BAG6: variants seen among roughly 807,000 people sequenced by gnomAD.
BAG6 encodes large proline-rich protein BAG6.
In BAG6, 22 loss-of-function variants were observed where a neutral mutation model predicts 121.0. The ratio of observed to expected loss-of-function variants is 0.18; its 90% CI spans 0.13 to 0.26. The LOEUF is 0.26. Ranked by LOEUF, BAG6 falls within the 10% of genes least tolerant of loss-of-function variation. BAG6 has a pLI of 1.00. For synonymous variants in BAG6, 583 were observed against 584.6 expected (o/e 1.00, Z 0.04); for missense variants, 1,233 against 1,537.7 (o/e 0.80, Z 3.31).
chr6:31,645,247 A>G lies in BAG6; in HGVS notation c.1117-49T>C. The G allele has an allele frequency of 3.1e-6, 5 of 1,599,510 alleles. No individual in the cohort carries two copies. In the South Asian group the frequency reaches 5.6e-5, roughly 18 times the overall value. On this transcript the variant is annotated intron_variant, in intron 9 of 25. Coordinates refer to ENST00000676615, the MANE Select transcript of BAG6 (RefSeq NM_001387994.1). ...AGATGTGAGAAAAATACAAGAGCCTAACCAAGAAAACCTCATGATAAACCT... is the reference window on the plus strand; with the variant it reads ...AGATGTGAGAAAAATACAAGAGCCTGACCAAGAAAACCTCATGATAAACCT...
chr6:31,648,577 C>T (rs1792785574), intron 6 of BAG6, 100 bp downstream of exon 6: 1 of 1,209,872 alleles, frequency 8.3e-7, no homozygotes, highest in Non-Finnish European at 1.2e-6. Flanking sequence ...ATTATGAAGG[C>T]CAAACCCTGT....
chr6:31,650,498 CTAAAAATACAAAAAT>C (rs1361727645), intron 2 of BAG6, among the ~76,000 whole-genome samples: 1 of 152,020 alleles, frequency 6.6e-6, no homozygotes, highest in Non-Finnish European at 1.5e-5. Flanking sequence ...CCTGTCTCTA[CTAAAAATACAAAAAT>C]TAGCCGGGCG....
intron 15 of BAG6, 46 bp from the exon 16 acceptor site, chr6:31,642,449 GA>G: frequency 1.1e-6 from 1 of 872,178 alleles, no homozygotes. Context: ...AGGTGAGAAT[GA>G]AGACACACGG....
In BAG6 at chr6:31,641,570, G is replaced by T; in HGVS notation, c.2528C>A (p.Thr843Lys). ...CTCCCGCACATACTCTTCTAGCCCCGTGATCAATGTGTGGGTTGCCATCTG... is the reference window on the plus strand; with the variant it reads ...CTCCCGCACATACTCTTCTAGCCCCTTGATCAATGTGTGGGTTGCCATCTG... ...NIRMATHTLI[T>K]GLEEYVRESF... Residue 843 changes from threonine to lysine, a missense_variant, in exon 18 of 26, where the codon ACG becomes AAG. By Grantham distance (78) the Thr-to-Lys change is moderately conservative. Transcript: ENST00000676615. The surrounding 1 kb of genome is among the most constrained non-coding windows in gnomAD (Gnocchi z 5.7). The T allele has an allele frequency of 6.2e-7, 1 of 1,614,122 alleles. No homozygotes were observed. The highest frequency in any genetic ancestry group is 8.5e-7 in the Non-Finnish European group (1 of 1,179,976).
At chr6:31,645,833 C>T (rs1411968680) in intron 8 of BAG6, among the ~76,000 whole-genome samples, 2 of 152,238 alleles carry the variant, frequency 1.3e-5, no homozygotes, top group African/African-American at 2.4e-5. Flanking sequence ...ATATACTGAT[C>T]TCCTGTACTT....
chr6:31,651,782 G>A lies in BAG6; in HGVS notation c.-13-6C>T. 6.2e-7 allele frequency: 1 copy of A among 1,609,572 alleles called. No individual in the cohort carries two copies. Among genetic ancestry groups the A allele is most frequent in the Non-Finnish European group, 8.5e-7 (1 of 1,176,942 alleles). ...GCTCCATGGCCGACAGGTCTCTAAA[G>A]AAGAACGAAGGAAGGAAGGCCCGCT... is the stretch of plus-strand genomic sequence containing the variant. On this transcript the variant is annotated splice_polypyrimidine_tract_variant and splice_region_variant and intron_variant, in intron 1 of 25. Coordinates refer to ENST00000676615, the MANE Select transcript of BAG6 (RefSeq NM_001387994.1).
chr6:31,642,817 C>G lies in BAG6; in HGVS notation c.2043+12G>C, dbSNP rs755630636. The G allele has an allele frequency of 6.2e-7, 1 of 1,609,476 alleles. No homozygotes were observed. The highest frequency in any genetic ancestry group is 8.5e-7 in the Non-Finnish European group (1 of 1,178,048). ...ACAGGAAGATGAGGTGAATGGCAAG[C>G]CAGCCACTCACCTGCAAGAAGTCAG... is the stretch of plus-strand genomic sequence containing the variant. On this transcript the variant is annotated intron_variant, in intron 15 of 25. Coordinates refer to ENST00000676615, the MANE Select transcript of BAG6 (RefSeq NM_001387994.1).
chr6:31,650,185 T>C (rs1794779999), intron 2 of BAG6, among the ~76,000 whole-genome samples: 1 of 151,852 alleles, frequency 6.6e-6, no homozygotes, highest in African/African-American at 2.4e-5. Context: ...AAAAAACACA[T>C]GGACATTATA....
Position 31,642,223 on chromosome 6 carries a change from G to A in BAG6, c.2224C>T (p.Leu742=), listed in dbSNP as rs763305970. ...GCCCGAGCCCCCAGGGAGCCCAGCA[G>A]GGAGCTGAGCACACCCTGCACCACT... ...TSVVQGVLSS[L]LGSLGARAGS... The change falls in exon 16 of 26, where the codon CTG becomes TTG. Residue 742 remains leucine (L), a synonymous_variant. Transcript: ENST00000676615. 47 of 1,612,728 alleles carry A rather than the reference G, an allele frequency of 2.9e-5. No homozygotes were observed. The highest frequency in any genetic ancestry group is 3.9e-5 in the Non-Finnish European group (46 of 1,179,964).
At chr6:31,639,372 C>A (rs2150612203) in intron 25 of BAG6, 128 bp downstream of exon 25, 1 of 1,494,364 alleles carries the variant, frequency 6.7e-7, no homozygotes. Flanking sequence ...CAAGCCTTCC[C>A]AGATGCCAAA....
intron 5 of BAG6, 73 bp from the exon 6 acceptor site, chr6:31,648,824 C>G: frequency 6.3e-7 from 1 of 1,597,038 alleles, no homozygotes; most frequent in South Asian, 1.1e-5. Flanking sequence ...TAAATCAGGT[C>G]CCAGCCATCT....
chr6:31,644,989 G>C lies in BAG6; in HGVS notation c.1326C>G (p.His442Gln). 6.2e-7 allele frequency: 1 copy of C among 1,606,694 alleles called. No individual in the cohort carries two copies. The highest frequency in any genetic ancestry group is 1.1e-5 in the South Asian group (1 of 90,510). ...TCATGACCACGGGTTCCACACTCTG[G>C]TGGGAAATCCGGATGACCCTCGGGT... is the stretch of plus-strand genomic sequence containing the variant. ...TSHPRVIRIS[H>Q]QSVEPVVMMH... The change falls in exon 10 of 26, where the codon CAC becomes CAG. Residue 442 changes from histidine (H) to glutamine (Q), a missense_variant. By Grantham distance (24) the His-to-Gln change is conservative (BLOSUM62 0). Coordinates refer to ENST00000676615, the MANE Select transcript of BAG6 (RefSeq NM_001387994.1). This position sits in a 1 kb window ranked among gnomAD's most constrained non-coding sequence, Gnocchi z 4.9.
At position 31,641,517 on chromosome 6, in the gene BAG6, G is replaced by C. The variant is rs1561886358; in HGVS notation, c.2559+22C>G. The C allele has an allele frequency of 3.7e-6, 6 of 1,614,150 alleles. No homozygotes were observed. Among genetic ancestry groups the C allele is most frequent in the Non-Finnish European group, 5.1e-6 (6 of 1,180,000 alleles). The stretch of plus-strand genomic sequence containing the variant: ...CCTTGACCAGACCCAGGAGAGGAAA[G>C]GAATAGAGAAGGGTTACTCACAAAA... On this transcript the variant is annotated intron_variant, in intron 18 of 25. Transcript: ENST00000676615. The surrounding 1 kb of genome is among the most constrained non-coding windows in gnomAD (Gnocchi z 5.7).
rs369901910 is a variant in BAG6, at chr6:31,650,755, C to T, written c.108+901G>A. Among the ~76,000 whole-genome samples the T allele has an allele frequency of 2.6e-5, 4 of 151,818 alleles. No individual in the cohort carries two copies. In the East Asian group the frequency reaches 7.7e-4, roughly 29 times the overall value. On this transcript the variant is annotated intron_variant, in intron 2 of 25. Coordinates refer to ENST00000676615, the MANE Select transcript of BAG6 (RefSeq NM_001387994.1). Reference sequence around the variant, plus strand: ...ACCAGAGTATTTATATACATCTAATCACAAGTCTATATATGGCTTTCTTAT... The same window carrying T: ...ACCAGAGTATTTATATACATCTAATTACAAGTCTATATATGGCTTTCTTAT...
In BAG6 at chr6:31,639,628, G is replaced by T. The variant is rs1299583527; in HGVS notation, c.3265C>A (p.Pro1089Thr). Residue 1089 changes from proline (P) to threonine (T), a missense_variant, in exon 25 of 26, where the codon CCC becomes ACC. Transcript: ENST00000676615. ...ACAGCCTCTGAGAGAAGCAGCTGGG[G>T]GCCCTCACCCTGCATCGTCTGGGGG... ...KRRKTMQGEG[P>T]QLLLSEAVSR... The T allele has an allele frequency of 6.2e-7, 1 of 1,612,684 alleles. No homozygotes were observed. Among genetic ancestry groups the T allele is most frequent in the Non-Finnish European group, 8.5e-7 (1 of 1,179,100 alleles).
chr6:31,650,973 C>T (rs1796025917), intron 2 of BAG6, among the ~76,000 whole-genome samples: 1 of 152,172 alleles, frequency 6.6e-6, no homozygotes, highest in Admixed American at 6.5e-5. Context: ...GTTCTGATTT[C>T]TACCCTTTAA....
In BAG6 at chr6:31,640,564, A is replaced by G. The variant is rs1781731769; in HGVS notation, c.2995-36T>C. The G allele has an allele frequency of 1.9e-6, 3 of 1,612,396 alleles. No individual in the cohort carries two copies. The highest frequency in any genetic ancestry group is 2.7e-5 in the African/African-American group (2 of 74,872). On this transcript the variant is annotated intron_variant, in intron 22 of 25. Transcript: ENST00000676615. The surrounding 1 kb of genome is among the most constrained non-coding windows in gnomAD (Gnocchi z 4.2). ...GATGGCGGGAAGAGCCAGGCTTCAG[A>G]ATTTTTAGCCTCCAAACCTTTCTCC...
chr6:31,646,355 G>C (rs1789191113), intron 8 of BAG6, 39 bp downstream of exon 8: 1 of 1,602,030 alleles, frequency 6.2e-7, no homozygotes, highest in East Asian at 2.2e-5. Context: ...TGGGAGTACT[G>C]GGGCTGAGGA....
intron 14 of BAG6, 114 bp from the exon 15 acceptor site, chr6:31,643,229 A>C: frequency 1.0e-6 from 1 of 997,482 alleles, no homozygotes; most frequent in Non-Finnish European, 1.4e-6. Flanking sequence ...AGTCTAGGCC[A>C]CATAGCAAGA....
Sources: allele counts gnomAD v4.1 joint callset (sites outside exome capture counted in the v4.1 genomes callset), GRCh38; gene constraint gnomAD v4.1.1; non-coding constraint Gnocchi (gnomAD v3.1); transcripts MANE v1.5; gene names NCBI Gene and HGNC (gene_info 2026-07-23, HGNC 2026-07-21).